DNAH5: variants seen among roughly 807,000 people sequenced by gnomAD.
DNAH5 encodes axonemal beta dynein heavy chain 5.
Under a neutral mutation model 518.2 loss-of-function variants are expected in DNAH5, and 372 were observed. The observed-to-expected ratio is 0.72, with a 90% confidence interval of 0.66 to 0.78. The LOEUF is 0.78. Ranked by LOEUF, DNAH5 falls within the 30% of genes least tolerant of loss-of-function variation. DNAH5 has a pLI of 0.00. For missense variants in DNAH5, 5,523 were observed against 5,687.0 expected (o/e 0.97, Z 0.93); for synonymous variants, 2,039 against 2,025.9 (o/e 1.01, Z -0.17).
At chr5:13,698,174 G>A (rs1397499453) in intron 78 of DNAH5, among the ~76,000 whole-genome samples, 1 of 152,172 alleles carries the variant, frequency 6.6e-6, no homozygotes, top group African/African-American at 2.4e-5. Context: ...GTGGCATCAT[G>A]CCCTTGGACT....
At chr5:13,923,687 A>T (rs1777543633) in intron 3 of DNAH5, among the ~76,000 whole-genome samples, 1 of 152,176 alleles carries the variant, frequency 6.6e-6, no homozygotes, top group Non-Finnish European at 1.5e-5. Flanking sequence ...AAGGAGGACA[A>T]TGTATCTACT....
Position 13,739,439 on chromosome 5 carries a change from T to C in DNAH5, c.11212-1944A>G, listed in dbSNP as rs548151678. ...GCTTCTCCTTTGCCTTCCGCCATGATTGTAAGTTTCCTGAGGCCTCCCCAG... is the reference window on the plus strand; with the variant it reads ...GCTTCTCCTTTGCCTTCCGCCATGACTGTAAGTTTCCTGAGGCCTCCCCAG... On this transcript the variant is annotated intron_variant, in intron 65 of 78. Coordinates refer to ENST00000265104, the MANE Select transcript of DNAH5 (RefSeq NM_001369.3). 3.0e-3 allele frequency among the ~76,000 whole-genome samples: 460 copies of C among 152,258 alleles called. 3 individuals are homozygous for C. Among genetic ancestry groups the C allele is most frequent in the Non-Finnish European group, 5.0e-3 (337 of 68,028 alleles).
At position 13,922,326 on chromosome 5, in the gene DNAH5, C is replaced by G. The variant is rs200732050; in HGVS notation, c.441G>C (p.Glu147Asp). Reference protein sequence around the residue: ...KAITPDNIHQEVSFNMLDAAD... With the variant: ...KAITPDNIHQDVSFNMLDAAD... ...CCGCATCTAACATGTTAAAACTCAC[C>G]TCCTGGAAAACAGGCAGGAGATCTT... is the stretch of plus-strand genomic sequence containing the variant. Residue 147 changes from glutamate to aspartate, a missense_variant and splice_region_variant, in exon 5 of 79, where the codon GAG becomes GAC. Physicochemically the swap from Glu to Asp is conservative, Grantham distance 45. Coordinates refer to ENST00000265104, the MANE Select transcript of DNAH5 (RefSeq NM_001369.3). 2 of 1,613,200 alleles carry G rather than the reference C, an allele frequency of 1.2e-6. No individual in the cohort carries two copies. Among genetic ancestry groups the G allele is most frequent in the Admixed American group, 1.7e-5 (1 of 59,956 alleles).
At chr5:13,867,376 G>A (rs1426976185) in intron 25 of DNAH5, among the ~76,000 whole-genome samples, 6 of 152,042 alleles carry the variant, frequency 3.9e-5, no homozygotes, top group African/African-American at 9.7e-5. Flanking sequence ...CATGAGATCC[G>A]ATGGTTTTAA....
intron 43 of DNAH5, among the ~76,000 whole-genome samples, chr5:13,813,905 C>G (rs1030475286): frequency 6.6e-6 from 1 of 152,050 alleles, no homozygotes; most frequent in African/African-American, 2.4e-5. Context: ...CTTCGAAAAA[C>G]TTAGGTGATG....
At chr5:13,739,839 CTT>C (rs1236031210) in intron 65 of DNAH5, among the ~76,000 whole-genome samples, 4 of 152,116 alleles carry the variant, frequency 2.6e-5, no homozygotes, top group African/African-American at 9.7e-5. Flanking sequence ...TTACGAGAAA[CTT>C]ATCCCCATAC....
intron 12 of DNAH5, among the ~76,000 whole-genome samples, chr5:13,903,419 AG>A (rs1774920418): frequency 6.6e-6 from 1 of 152,058 alleles, no homozygotes; most frequent in South Asian, 2.1e-4. Context: ...AAAATGAGAA[AG>A]GCTGAGAATT....
intron 22 of DNAH5, among the ~76,000 whole-genome samples, chr5:13,874,271 G>A (rs1770551632): frequency 6.6e-6 from 1 of 152,148 alleles, no homozygotes; most frequent in Non-Finnish European, 1.5e-5. Flanking sequence ...GAAATGGATA[G>A]AAGTTCCAGA....
chr5:13,955,734 A>G (rs1780721996), intron 1 of DNAH5, among the ~76,000 whole-genome samples: 1 of 152,216 alleles, frequency 6.6e-6, no homozygotes, highest in Non-Finnish European at 1.5e-5. Flanking sequence ...AAGAAAATTA[A>G]TAAAATGGAA....
chr5:13,942,733 C>G (rs186742925), intron 1 of DNAH5, among the ~76,000 whole-genome samples: 4 of 152,154 alleles, frequency 2.6e-5, no homozygotes, highest in African/African-American at 9.6e-5. Flanking sequence ...ATTGATGTCT[C>G]CTCTAAGCAC....
intron 56 of DNAH5, among the ~76,000 whole-genome samples, chr5:13,770,270 G>T (rs1441904394): frequency 6.6e-6 from 1 of 152,206 alleles, no homozygotes; most frequent in Non-Finnish European, 1.5e-5. Flanking sequence ...TCCTTAGGCA[G>T]TGAACATATG....
At chr5:13,739,507 A>C (rs1489151576) in intron 65 of DNAH5, among the ~76,000 whole-genome samples, 1 of 152,084 alleles carries the variant, frequency 6.6e-6, no homozygotes, top group African/African-American at 2.4e-5. Context: ...TCCTTTATAA[A>C]TTACCCAGTC....
chr5:13,900,130 T>G, intron 15 of DNAH5, 76 bp downstream of exon 15: 1 of 1,314,514 alleles, frequency 7.6e-7, no homozygotes, highest in Non-Finnish European at 1.1e-6. Context: ...TCCTTGAATA[T>G]GACACATCAC....
In DNAH5 at chr5:13,922,452, T is replaced by G. The variant is rs1777413994; in HGVS notation, c.439-124A>C. 4 of 1,042,718 alleles carry G rather than the reference T, an allele frequency of 3.8e-6. 1 individual carries two copies. The South Asian group carries it at 5.5e-5, about 14-fold the overall frequency. 64.6% of individuals were successfully genotyped at this position (1,042,718 alleles called of 1,614,324 possible). On this transcript the variant is annotated intron_variant, in intron 4 of 78. Coordinates refer to ENST00000265104, the MANE Select transcript of DNAH5 (RefSeq NM_001369.3). ...CAGTAAATTATTAGTTTGTGCCAGG[T>G]GTGGTGGCTCACACCTGTAATCCCA... is the stretch of plus-strand genomic sequence containing the variant.
intron 78 of DNAH5, among the ~76,000 whole-genome samples, 181 bp downstream of exon 78, chr5:13,700,459 A>G (rs1741945698): frequency 6.6e-6 from 1 of 152,216 alleles, no homozygotes; most frequent in South Asian, 2.1e-4. Flanking sequence ...TGCCTCCTCA[A>G]TATACTCAAG....
At chr5:13,783,575 C>T (rs1009217837) in intron 52 of DNAH5, among the ~76,000 whole-genome samples, 11 of 152,084 alleles carry the variant, frequency 7.2e-5, no homozygotes, top group South Asian at 6.2e-4. Flanking sequence ...GAGCATGACT[C>T]GGGAGGCTGG....
intron 75 of DNAH5, among the ~76,000 whole-genome samples, chr5:13,713,107 G>GTGTATATATATATATA (rs70962100): frequency 7.1e-6 from 1 of 139,924 alleles, no homozygotes; most frequent in African/African-American, 2.7e-5. Context: ...GTGTGTGTGT[G>GTGTATATATATATATA]TATATATATA....
rs758625306 is a variant in DNAH5, at chr5:13,737,310, T to C, written c.11397A>G (p.Leu3799=). The part of the protein sequence containing the change: ...KRTAEEVTQK[L]EISAETEVQI... ...GAACTTCTGTCTCAGCAGAAATTTC[T>C]AGCTTCTGTGTCACCTCCTCGGCTG... Residue 3799 remains leucine (L), a synonymous_variant, in exon 66 of 79, where the codon CTA becomes CTG. Coordinates refer to ENST00000265104, the MANE Select transcript of DNAH5 (RefSeq NM_001369.3). 1.5e-5 allele frequency: 24 copies of C among 1,614,048 alleles called. No homozygotes were observed. Among genetic ancestry groups the C allele is most frequent in the Non-Finnish European group, 1.9e-5 (23 of 1,180,004 alleles).
chr5:13,713,434 CAT>C (rs200836910), intron 75 of DNAH5, among the ~76,000 whole-genome samples: 16,470 of 70,470 alleles, frequency 0.23, 1,860 homozygotes, highest in Non-Finnish European at 0.25. Flanking sequence ...TATACATCGA[CAT>C]ATATATATAT....
Sources: allele counts gnomAD v4.1 joint callset (sites outside exome capture counted in the v4.1 genomes callset), GRCh38; gene constraint gnomAD v4.1.1; transcripts MANE v1.5; gene names NCBI Gene and HGNC (gene_info 2026-07-23, HGNC 2026-07-21).